The following PDS5B variants were observed in gnomAD, a reference collection of about 807,000 sequenced individuals.
PDS5B encodes PDS5 cohesin associated factor B.
PDS5B carries 51 observed loss-of-function variants against 184.1 expected under a neutral mutation model. The ratio of observed to expected loss-of-function variants is 0.28; its 90% CI spans 0.22 to 0.35. PDS5B has a LOEUF of 0.35. PDS5B is among the 10% of genes least tolerant of loss of function. The probability of loss-of-function intolerance (pLI) is 1.00; values close to 1 mark genes in which losing one functional copy is unlikely to be tolerated. For synonymous variants in PDS5B, 566 were observed against 569.2 expected (o/e 0.99, Z 0.08); for missense variants, 1,180 against 1,723.3 (o/e 0.68, Z 5.58).
chr13:32,759,690 A>T lies in PDS5B; in HGVS notation c.3372A>T (p.Lys1124Asn). The change falls in exon 29 of 35, where the codon AAA (lysine) becomes AAT (asparagine). Residue 1124 changes from lysine to asparagine, a missense_variant and splice_region_variant. This residue lies in a region of PDS5B where 465 missense variants were observed against 497.8 expected (regional missense o/e 0.93). Coordinates refer to ENST00000315596, the MANE Select transcript of PDS5B (RefSeq NM_015032.4). ...PEMKSFFTPG[K>N]PKTTNVLGAV... is the part of the protein sequence containing the mutation. ...TGAAATCATTTTTCACTCCTGGAAA[A>T]GTATGTTTTGAGAATCATTTTAATT... 6.5e-7 allele frequency: 1 copy of T among 1,528,776 alleles called. No individual in the cohort carries two copies. The highest frequency in any genetic ancestry group is 9.0e-7 in the Non-Finnish European group (1 of 1,113,374). 94.7% of individuals were successfully genotyped at this position (1,528,776 alleles called of 1,614,324 possible).
chr13:32,664,595 A>G (rs9596048), intron 6 of PDS5B, among the ~76,000 whole-genome samples: 48,085 of 152,060 alleles, frequency 0.32, 9,174 homozygotes, highest in Non-Finnish European at 0.43. Flanking sequence ...CAGGCTCACT[A>G]GCTCTCTCTC....
rs750861647 is a variant in PDS5B at position 32,648,895 on chromosome 13, A to C, written c.108+15A>C. On this transcript the variant is annotated intron_variant, in intron 2 of 34. Transcript: ENST00000315596. ...GACGATTAAAGGTGAGTAAAATTCT[A>C]TTCTTTTTTACATCTGTGTAGGGCA... 9.0e-7 allele frequency: 1 copy of C among 1,111,608 alleles called. No individual in the cohort carries two copies. The highest frequency in any genetic ancestry group is 1.4e-6 in the Non-Finnish European group (1 of 721,464). 68.9% of individuals were successfully genotyped at this position (1,111,608 alleles called of 1,614,324 possible).
intron 13 of PDS5B, 27 bp downstream of exon 13, chr13:32,688,596 C>T: frequency 7.9e-7 from 1 of 1,263,272 alleles, no homozygotes; most frequent in Non-Finnish European, 1.2e-6. Flanking sequence ...AAATTCTGTT[C>T]TTTTCATCCT....
At chr13:32,612,808 C>T (rs1018636058) in intron 1 of PDS5B, among the ~76,000 whole-genome samples, 12 of 152,256 alleles carry the variant, frequency 7.9e-5, no homozygotes, top group East Asian at 3.9e-4. Flanking sequence ...CCTCATTAGA[C>T]GCTGGCCCCT....
At chr13:32,768,794 AAAAAAAAAAAAAG>A (rs1339097933) in intron 31 of PDS5B, among the ~76,000 whole-genome samples, 3 of 88,746 alleles carry the variant, frequency 3.4e-5, no homozygotes, top group African/African-American at 4.0e-5. Context: ...CTCTGTCTCA[AAAAAAAAAAAAAG>A]AAAAAAAAAA....
At chr13:32,652,366 T>C (rs1419661802) in intron 3 of PDS5B, 2 of 172,838 alleles carry the variant, frequency 1.2e-5, no homozygotes, top group African/African-American at 4.8e-5. Flanking sequence ...GTTTATAATA[T>C]ATAATCCTCA....
chr13:32,594,803 T>G (rs1455336166), intron 1 of PDS5B, among the ~76,000 whole-genome samples: 1 of 152,224 alleles, frequency 6.6e-6, no homozygotes, highest in African/African-American at 2.4e-5. Context: ...GGGGACTAAA[T>G]TAGTAAATAA....
At chr13:32,626,626 C>A (rs1462110611) in intron 1 of PDS5B, among the ~76,000 whole-genome samples, 1 of 150,046 alleles carries the variant, frequency 6.7e-6, no homozygotes, top group Non-Finnish European at 1.5e-5. Context: ...TTTTTATTTT[C>A]TTTGCCTTGT....
At chr13:32,765,877 C>T (rs771785114) in intron 31 of PDS5B, among the ~76,000 whole-genome samples, 3 of 152,248 alleles carry the variant, frequency 2.0e-5, no homozygotes, top group Non-Finnish European at 2.9e-5. Context: ...GCTGGGATTA[C>T]AGGCTTGAGC....
Position 32,658,514 on chromosome 13 carries a change from C to G in PDS5B, c.480C>G (p.Thr160=). The change falls in exon 5 of 35, where the codon ACC becomes ACG. Residue 160 remains threonine (T), a synonymous_variant. Coordinates refer to ENST00000315596, the MANE Select transcript of PDS5B (RefSeq NM_015032.4). ...SNEIFTQLYR[T]LFSVINNGHN... is the part of the protein sequence containing the mutation. Reference sequence around the variant, plus strand: ...AAATTTTCACCCAGCTATACAGAACCTTATTTTCAGTTATAAAGTAAGTTT... The same window carrying G: ...AAATTTTCACCCAGCTATACAGAACGTTATTTTCAGTTATAAAGTAAGTTT... The G allele has an allele frequency of 1.3e-6, 2 of 1,534,158 alleles. No individual in the cohort carries two copies. The highest frequency in any genetic ancestry group is 1.8e-6 in the Non-Finnish European group (2 of 1,118,804).
At chr13:32,752,992 C>G (rs1172948001) in intron 24 of PDS5B, among the ~76,000 whole-genome samples, 1 of 152,058 alleles carries the variant, frequency 6.6e-6, no homozygotes, top group Non-Finnish European at 1.5e-5. Flanking sequence ...GCAGTTTTAT[C>G]TTGCCCAGTA....
intron 18 of PDS5B, among the ~76,000 whole-genome samples, chr13:32,709,079 A>G (rs1403326376): frequency 2.0e-5 from 3 of 152,004 alleles, no homozygotes; most frequent in African/African-American, 7.2e-5. Context: ...TCATCTATGT[A>G]TGTATCTCTA....
intron 3 of PDS5B, among the ~76,000 whole-genome samples, chr13:32,655,966 A>G (rs969683433): frequency 5.9e-5 from 9 of 152,128 alleles, no homozygotes; most frequent in Non-Finnish European, 1.0e-4. Context: ...TAGGTTTTAC[A>G]TTTAAGTCTT....
In PDS5B at chr13:32,587,491, TTTG is replaced by T. The variant is rs145872458; in HGVS notation, c.-20+908_-20+910del. On this transcript the variant is annotated intron_variant, in intron 1 of 34. Transcript: ENST00000315596. ...GTTTTCGGTCCGGAGAAAAACCTTG[TTTG>T]TTGTTGTTGCTGCTACTGCTGTTGG... Among the ~76,000 whole-genome samples, 1,297 of 152,336 alleles carry T rather than the reference TTTG, an allele frequency of 8.5e-3. 21 individuals are homozygous for T. The highest frequency in any genetic ancestry group is 0.03 in the African/African-American group (1,243 of 41,580).
At chr13:32,699,962 A>G in intron 16 of PDS5B, 93 bp downstream of exon 16, 1 of 1,154,438 alleles carries the variant, frequency 8.7e-7, no homozygotes, top group Non-Finnish European at 1.2e-6. Context: ...TCATTATATT[A>G]AATTTGAAAA....
At chr13:32,604,188 T>C (rs1252410503) in intron 1 of PDS5B, among the ~76,000 whole-genome samples, 1 of 152,216 alleles carries the variant, frequency 6.6e-6, no homozygotes, top group Non-Finnish European at 1.5e-5. Context: ...TTTTTGCCCA[T>C]TCAGTATGAT....
chr13:32,642,599 TC>T (rs1160725139), intron 1 of PDS5B, among the ~76,000 whole-genome samples: 1 of 152,128 alleles, frequency 6.6e-6, no homozygotes, highest in African/African-American at 2.4e-5. Context: ...TTCAAACCTC[TC>T]CTTACAATGC....
chr13:32,692,438 T>G (rs1311070067), intron 13 of PDS5B, among the ~76,000 whole-genome samples: 2 of 141,602 alleles, frequency 1.4e-5, no homozygotes, highest in Non-Finnish European at 3.1e-5. Flanking sequence ...TTTTTTTTTT[T>G]TTTTGAGATA....
intron 19 of PDS5B, among the ~76,000 whole-genome samples, chr13:32,719,864 C>T (rs1026384884): frequency 1.4e-5 from 2 of 144,250 alleles, no homozygotes; most frequent in African/African-American, 5.1e-5. Context: ...TCTCTTGGCT[C>T]ACTGCAACCT....
Sources: allele counts gnomAD v4.1 joint callset (sites outside exome capture counted in the v4.1 genomes callset), GRCh38; gene constraint gnomAD v4.1.1; regional missense constraint gnomAD v4.1.1; transcripts MANE v1.5; gene names NCBI Gene and HGNC (gene_info 2026-07-23, HGNC 2026-07-21).